STXBP5L: variants seen among roughly 807,000 people sequenced by gnomAD.
STXBP5L encodes syntaxin-binding protein 5-like.
In STXBP5L, 65 loss-of-function variants were observed where a neutral mutation model predicts 144.5. The observed-to-expected ratio is 0.45, with a 90% CI of 0.37 to 0.55. The LOEUF is 0.55. STXBP5L is among the 20% of genes least tolerant of loss of function. The pLI, the probability that STXBP5L is intolerant of heterozygous loss-of-function variation, is 0.00. For synonymous variants in STXBP5L, 505 were observed against 469.6 expected (o/e 1.08, Z -0.97); for missense variants, 1,298 against 1,405.5 (o/e 0.92, Z 1.22).
intron 3 of STXBP5L, among the ~76,000 whole-genome samples, chr3:120,964,493 A>G (rs929875918): frequency 1.2e-4 from 18 of 152,172 alleles, no homozygotes; most frequent in African/African-American, 4.3e-4. Context: ...ATTGGTTTCA[A>G]AGAACATCTT....
At chr3:121,013,315 T>C in intron 3 of STXBP5L, among the ~76,000 whole-genome samples, 1 of 152,124 alleles carries the variant, frequency 6.6e-6, no homozygotes. Flanking sequence ...TCACCAATGG[T>C]ATATAAGTGT....
intron 7 of STXBP5L, among the ~76,000 whole-genome samples, chr3:121,130,995 C>A (rs16832125): frequency 0.48 from 72,071 of 151,634 alleles, 17,713 homozygotes; most frequent in African/African-American, 0.56. Flanking sequence ...GCTAGAAAAA[C>A]GATTAAGAAA....
At chr3:121,353,143 C>CT (rs1000420955) in intron 20 of STXBP5L, among the ~76,000 whole-genome samples, 5 of 152,084 alleles carry the variant, frequency 3.3e-5, no homozygotes, top group Non-Finnish European at 4.4e-5. Context: ...CTAAAATTCT[C>CT]TTTTTTTGTT....
chr3:121,156,526 G>C (rs1232828192), intron 8 of STXBP5L, among the ~76,000 whole-genome samples: 5 of 151,716 alleles, frequency 3.3e-5, no homozygotes. Context: ...GAATACCAAG[G>C]GTGTGGAAAT....
intron 19 of STXBP5L, among the ~76,000 whole-genome samples, chr3:121,315,793 G>A (rs2043764816): frequency 6.6e-6 from 1 of 151,972 alleles, no homozygotes; most frequent in Non-Finnish European, 1.5e-5. Context: ...CTTGAGGTCA[G>A]GAGTTCGAGA....
At chr3:121,299,215 C>G (rs1190125503) in intron 19 of STXBP5L, among the ~76,000 whole-genome samples, 1 of 152,162 alleles carries the variant, frequency 6.6e-6, no homozygotes, top group Non-Finnish European at 1.5e-5. Context: ...GTATTACTAT[C>G]TTTTCCCACT....
At chr3:121,168,269 CTCT>C (rs1000470778) in intron 9 of STXBP5L, among the ~76,000 whole-genome samples, 12 of 152,116 alleles carry the variant, frequency 7.9e-5, no homozygotes, top group South Asian at 2.1e-4. Flanking sequence ...ACCAGGATGG[CTCT>C]TCTTCTCCTT....
intron 2 of STXBP5L, among the ~76,000 whole-genome samples, chr3:120,923,094 A>G (rs1194475738): frequency 6.6e-6 from 1 of 151,980 alleles, no homozygotes; most frequent in Non-Finnish European, 1.5e-5. Flanking sequence ...TGTGTCCATG[A>G]ATTTATTCCT....
At chr3:121,224,839 C>A (rs2049072505) in intron 11 of STXBP5L, among the ~76,000 whole-genome samples, 1 of 151,830 alleles carries the variant, frequency 6.6e-6, no homozygotes, top group African/African-American at 2.4e-5. Context: ...AACAGAAGAC[C>A]AACAGCTGAG....
At chr3:121,346,183 C>T (rs895466420) in intron 20 of STXBP5L, among the ~76,000 whole-genome samples, 1 of 149,874 alleles carries the variant, frequency 6.7e-6, no homozygotes, top group Non-Finnish European at 1.5e-5. Flanking sequence ...CAATTCCCAC[C>T]TATGAGTGAG....
rs79741408 is a variant in STXBP5L, at chr3:121,360,508, A to G, written c.2177-18208A>G. ...TTCCTGTCTTCCTCAAGTGAACATGATATTTTTGGGTGATATGATTTCGTT... is the reference window on the plus strand; with the variant it reads ...TTCCTGTCTTCCTCAAGTGAACATGGTATTTTTGGGTGATATGATTTCGTT... On this transcript the variant is annotated intron_variant, in intron 20 of 26. Coordinates refer to ENST00000471454, the MANE Select transcript of STXBP5L (RefSeq NM_001308330.2). 5.4e-3 allele frequency among the ~76,000 whole-genome samples: 822 copies of G among 151,908 alleles called. 6 individuals are homozygous for G. The highest frequency in any genetic ancestry group is 0.019 in the African/African-American group (774 of 41,452).
At chr3:121,344,036 G>T (rs923855015) in intron 20 of STXBP5L, among the ~76,000 whole-genome samples, 4 of 151,948 alleles carry the variant, frequency 2.6e-5, no homozygotes, top group Non-Finnish European at 5.9e-5. Flanking sequence ...GCATGGTACT[G>T]GTACCAAAAC....
At chr3:121,237,148 G>A (rs114936550) in intron 12 of STXBP5L, among the ~76,000 whole-genome samples, 15,093 of 152,200 alleles carry the variant, frequency 0.099, 1,177 homozygotes, top group Admixed American at 0.2. Context: ...TGGCGGCTCT[G>A]CCTATGTGGC....
intron 5 of STXBP5L, among the ~76,000 whole-genome samples, chr3:121,073,316 A>G (rs534169231): frequency 2.2e-4 from 33 of 152,334 alleles, no homozygotes; most frequent in East Asian, 5.8e-4. Flanking sequence ...AAAGCCCTTG[A>G]TATCTTAACA....
At chr3:121,132,983 G>A (rs151157000) in intron 7 of STXBP5L, among the ~76,000 whole-genome samples, 48 of 152,220 alleles carry the variant, frequency 3.2e-4, no homozygotes, top group African/African-American at 9.9e-4. Flanking sequence ...GAAGGCTTAC[G>A]GGACTTATGG....
chr3:121,179,407 T>A (rs987673244), intron 9 of STXBP5L, among the ~76,000 whole-genome samples: 1 of 152,102 alleles, frequency 6.6e-6, no homozygotes, highest in Admixed American at 6.5e-5. Flanking sequence ...AAAAAAGTAA[T>A]TCTAAGCAAA....
intron 5 of STXBP5L, among the ~76,000 whole-genome samples, chr3:121,101,937 C>A (rs990846488): frequency 1.3e-5 from 2 of 151,774 alleles, no homozygotes; most frequent in Admixed American, 6.6e-5. Context: ...AAGCTGCAAA[C>A]CAAACAAAGA....
intron 2 of STXBP5L, among the ~76,000 whole-genome samples, chr3:120,933,268 G>A (rs905221065): frequency 6.6e-6 from 1 of 152,146 alleles, no homozygotes; most frequent in Non-Finnish European, 1.5e-5. Context: ...GAATTAGGCT[G>A]AGTGAGATAA....
At chr3:121,152,441 T>G (rs2045964195) in intron 7 of STXBP5L, 36 bp from the exon 8 acceptor site, 1 of 1,443,356 alleles carries the variant, frequency 6.9e-7, no homozygotes, top group Admixed American at 1.9e-5. Flanking sequence ...AAATTAATGT[T>G]AGAATTAAGA....
Sources: gnomAD v4.1 joint callset for allele counts (sites outside exome capture counted in the v4.1 genomes callset) on GRCh38, gnomAD v4.1.1 for gene constraint, MANE v1.5 for transcripts, NCBI Gene and HGNC (gene_info 2026-07-23, HGNC 2026-07-21) for gene names.